The following LARP4B variants were observed in gnomAD, a reference collection of about 807,000 sequenced individuals.
LARP4B encodes La ribonucleoprotein 4B, also known as la-related protein 4B.
A neutral mutation model predicts 89.8 loss-of-function variants in LARP4B; 12 were observed. The ratio of observed to expected loss-of-function variants is 0.13; its 90% CI spans 0.09 to 0.22. The LOEUF (loss-of-function observed/expected upper bound fraction) is 0.22. LARP4B is among the 10% of genes least tolerant of loss of function. The pLI is 1.00. For synonymous variants in LARP4B, 367 were observed against 363.3 expected (o/e 1.01, Z -0.12); for missense variants, 757 against 947.7 (o/e 0.80, Z 2.64).
intron 1 of LARP4B, among the ~76,000 whole-genome samples, chr10:905,030 T>C (rs563401714): frequency 2.6e-5 from 4 of 152,358 alleles, no homozygotes; most frequent in South Asian, 2.1e-4. Context: ...ATAAGGTGTA[T>C]ACAAAACAAT....
rs570638590 is a variant in LARP4B at position 812,867 on chromosome 10, G to T, written c.*59C>A. On this transcript the variant is annotated 3_prime_UTR_variant, in exon 18 of 18. Coordinates refer to ENST00000316157, the MANE Select transcript of LARP4B (RefSeq NM_015155.3). ...AGCGGCTCGCCCTCGCACTGAGTGG[G>T]AGAGTGTCTCGTTTGTGGTTAACAC... 2.9e-5 allele frequency: 42 copies of T among 1,466,046 alleles called. No individual in the cohort carries two copies. The Admixed American group carries it at 7.1e-4, about 25-fold the overall frequency. 90.8% of individuals were successfully genotyped at this position (1,466,046 alleles called of 1,614,324 possible). A position where few individuals can be genotyped will look rare whatever the true frequency, so the allele number is the denominator to read the frequency against.
intron 11 of LARP4B, among the ~76,000 whole-genome samples, chr10:826,786 C>T (rs1278874595): frequency 6.6e-6 from 1 of 151,958 alleles, no homozygotes; most frequent in Non-Finnish European, 1.5e-5. Context: ...CGCATAGAGC[C>T]CTCCTTGTTT....
At chr10:816,281 G>A (rs1322107590) in intron 15 of LARP4B, among the ~76,000 whole-genome samples, 1 of 152,216 alleles carries the variant, frequency 6.6e-6, no homozygotes, top group Non-Finnish European at 1.5e-5. Flanking sequence ...CAATGCAAAT[G>A]AAATGCAGAT....
At chr10:984,383 G>C in the LARP4B span, among the ~76,000 whole-genome samples, 1 of 152,176 alleles carries the variant, frequency 6.6e-6, no homozygotes, top group African/African-American at 2.4e-5. Flanking sequence ...ATCTTCTCTA[G>C]GAAAAGAGAT....
intron 5 of LARP4B, among the ~76,000 whole-genome samples, chr10:855,058 C>T (rs1834237682): frequency 6.6e-6 from 1 of 152,174 alleles, no homozygotes; most frequent in South Asian, 2.1e-4. Context: ...CTGCAGCTTC[C>T]TCACCTCTCA....
chr10:957,617 A>G, the LARP4B span, among the ~76,000 whole-genome samples: 1 of 152,004 alleles, frequency 6.6e-6, no homozygotes, highest in Admixed American at 6.6e-5. Flanking sequence ...TTAATATGTG[A>G]TGGGATTATT....
chr10:969,738 T>A, the LARP4B span, among the ~76,000 whole-genome samples: 1 of 151,540 alleles, frequency 6.6e-6, no homozygotes, highest in Non-Finnish European at 1.5e-5. Context: ...CAAAAAAAAA[T>A]AAAAGAAAAT....
chr10:836,348 C>G lies in LARP4B; in HGVS notation c.750+55G>C. 7.1e-6 allele frequency: 9 copies of G among 1,259,406 alleles called. No homozygotes were observed. The South Asian group carries it at 1.0e-4, about 14-fold the overall frequency. 78.0% of individuals were successfully genotyped at this position (1,259,406 alleles called of 1,614,324 possible). ...CACAAAAGTAAAATAAAATCAAAAC[C>G]AACAAAGACCTTTGGGAAAATGTCC... On this transcript the variant is annotated intron_variant, in intron 8 of 17. Transcript: ENST00000316157.
intron 8 of LARP4B, among the ~76,000 whole-genome samples, chr10:833,887 CAAAA>C (rs34834355): frequency 2.7e-5 from 2 of 75,056 alleles, no homozygotes; most frequent in Non-Finnish European, 2.6e-5. Context: ...GATGCCACCT[CAAAA>C]AAAAAAAAAA....
At chr10:858,611 A>C (rs1383715265) in intron 5 of LARP4B, among the ~76,000 whole-genome samples, 1 of 152,256 alleles carries the variant, frequency 6.6e-6, no homozygotes, top group Non-Finnish European at 1.5e-5. Context: ...AAGGCAACCC[A>C]TATAATGGAA....
At chr10:817,961 G>C in intron 14 of LARP4B, 72 bp from the exon 15 acceptor site, 1 of 1,430,394 alleles carries the variant, frequency 7.0e-7, no homozygotes, top group Non-Finnish European at 9.6e-7. Flanking sequence ...TTCCACACCT[G>C]TCTGGAAAAT....
intron 1 of LARP4B, among the ~76,000 whole-genome samples, chr10:908,562 T>C (rs1180065381): frequency 6.6e-6 from 1 of 151,996 alleles, no homozygotes; most frequent in African/African-American, 2.4e-5. Context: ...TATCTCCAGG[T>C]AGAGTGTTGA....
the LARP4B span, among the ~76,000 whole-genome samples, chr10:938,252 C>CTT: frequency 1.4e-4 from 17 of 123,448 alleles, no homozygotes; most frequent in Admixed American, 3.3e-4. Context: ...GGTTCTTTTT[C>CTT]TTTTTTTTTT....
rs557350813 is a variant in LARP4B at position 851,873 on chromosome 10, C to A, written c.431-6818G>T. ...TGAGCTCAGGAGTTTGGAGACCAGC[C>A]TGGGTAACATGGTGAAACTCCATCT... is the stretch of plus-strand genomic sequence containing the variant. On this transcript the variant is annotated intron_variant, in intron 5 of 17. Transcript: ENST00000316157. Among the ~76,000 whole-genome samples the A allele has an allele frequency of 2.6e-5, 4 of 152,186 alleles. 1 individual carries two copies. The South Asian group carries it at 8.3e-4, about 32-fold the overall frequency.
In LARP4B at chr10:810,504, C is replaced by G. The variant is rs1831705269; in HGVS notation, c.*2422G>C. On this transcript the variant is annotated 3_prime_UTR_variant, in exon 18 of 18. Transcript: ENST00000316157. The stretch of plus-strand genomic sequence containing the variant: ...TAATGCACGCGCTGCCCTCCTCATG[C>G]AGCTGTTGAGCTCCCACTTCGGTCG... 1 of 152,230 alleles carries G rather than the reference C, an allele frequency of 6.6e-6. No individual in the cohort carries two copies. Among genetic ancestry groups the G allele is most frequent in the Non-Finnish European group, 1.5e-5 (1 of 68,070 alleles). 9.4% of individuals were successfully genotyped at this position (152,230 alleles called of 1,614,324 possible). A position where few individuals can be genotyped will look rare whatever the true frequency, so the allele number is the denominator to read the frequency against.
At chr10:815,435 G>A (rs1209855887) in intron 15 of LARP4B, 4 of 163,394 alleles carry the variant, frequency 2.4e-5, no homozygotes, top group Non-Finnish European at 4.0e-5. Flanking sequence ...GCTGAGTGTC[G>A]AATCCTAACA....
intron 7 of LARP4B, among the ~76,000 whole-genome samples, chr10:839,412 C>T: frequency 6.6e-6 from 1 of 152,084 alleles, no homozygotes. Flanking sequence ...GAATCTAAAA[C>T]TGTTATAAAA....
Position 811,654 on chromosome 10 carries a change from G to A in LARP4B, c.*1272C>T, listed in dbSNP as rs1223732358. 1 of 152,204 alleles carries A rather than the reference G, an allele frequency of 6.6e-6. No homozygotes were observed. Among genetic ancestry groups the A allele is most frequent in the South Asian group, 2.1e-4 (1 of 4,810 alleles). The allele number at this position is 152,204 out of a possible 1,614,324, so 9.4% of individuals were successfully genotyped here. ...AATAAAATTCAAGTCTTTAAATATT[G>A]GATGGAAATAATTTTTTCTTAAAAA... On this transcript the variant is annotated 3_prime_UTR_variant, in exon 18 of 18. Transcript: ENST00000316157.
chr10:899,308 T>C (rs1836270793), intron 1 of LARP4B, among the ~76,000 whole-genome samples: 1 of 152,098 alleles, frequency 6.6e-6, no homozygotes, highest in South Asian at 2.1e-4. Flanking sequence ...CCCATGAGAG[T>C]GTGCTGTATG....
Sources: allele counts gnomAD v4.1 joint callset (sites outside exome capture counted in the v4.1 genomes callset), GRCh38; gene constraint gnomAD v4.1.1; transcripts MANE v1.5; gene names NCBI Gene and HGNC (gene_info 2026-07-23, HGNC 2026-07-21).